FLT1: variants seen among roughly 807,000 people sequenced by gnomAD.
FLT1 encodes fms related receptor tyrosine kinase 1.
A neutral mutation model predicts 156.3 loss-of-function variants in FLT1; 49 were observed. The observed-to-expected ratio is 0.31, with a 90% CI of 0.25 to 0.40. FLT1 has a LOEUF of 0.40. FLT1 is among the 10% of genes least tolerant of loss of function. The probability of loss-of-function intolerance (pLI) is 1.00; values close to 1 mark genes in which losing one functional copy is unlikely to be tolerated. For synonymous variants in FLT1, 594 were observed against 583.8 expected (o/e 1.02, Z -0.25); for missense variants, 1,322 against 1,637.2 (o/e 0.81, Z 3.32).
chr13:28,469,520 C>G (rs948695432), intron 1 of FLT1, among the ~76,000 whole-genome samples: 12 of 152,164 alleles, frequency 7.9e-5, no homozygotes, highest in African/African-American at 2.7e-4. Flanking sequence ...AACTGGAAAG[C>G]CTACGAGCCA....
At chr13:28,350,349 AT>A (rs1872700679) in intron 15 of FLT1, among the ~76,000 whole-genome samples, 1 of 152,152 alleles carries the variant, frequency 6.6e-6, no homozygotes, top group South Asian at 2.1e-4. Context: ...TGCACAGAGC[AT>A]TCCACGTCAA....
At chr13:28,315,134 A>G (rs1048751504) in intron 25 of FLT1, among the ~76,000 whole-genome samples, 3 of 152,196 alleles carry the variant, frequency 2.0e-5, no homozygotes, top group African/African-American at 7.2e-5. Flanking sequence ...CATCTGTGAA[A>G]TGGGGATCAT....
rs17551386 is a variant in FLT1, at chr13:28,428,740, T to C, written c.1107-819A>G. ...TCATTAAAATGCATGGTTCTTTAAATAGGCAGTTTTAATCCATTAGGAGTT... is the reference window on the plus strand; with the variant it reads ...TCATTAAAATGCATGGTTCTTTAAACAGGCAGTTTTAATCCATTAGGAGTT... On this transcript the variant is annotated intron_variant, in intron 8 of 29. Coordinates refer to ENST00000282397, the MANE Select transcript of FLT1 (RefSeq NM_002019.4). Among the ~76,000 whole-genome samples the C allele has an allele frequency of 3.2e-3, 492 of 152,324 alleles. 4 individuals carry two copies. Among genetic ancestry groups the C allele is most frequent in the South Asian group, 0.022 (108 of 4,832 alleles).
chr13:28,305,625 G>A (rs1489732346), intron 29 of FLT1, among the ~76,000 whole-genome samples: 5 of 152,188 alleles, frequency 3.3e-5, no homozygotes, highest in Non-Finnish European at 5.9e-5. Context: ...ACAGAGCCAT[G>A]CCTACTTGAT....
intron 15 of FLT1, among the ~76,000 whole-genome samples, chr13:28,356,048 T>C (rs1872887146): frequency 6.6e-6 from 1 of 152,096 alleles, no homozygotes. Context: ...CTGCCCCATA[T>C]TCCCTGGTGG....
chr13:28,368,703 CTTTTT>C (rs34319914), intron 14 of FLT1: 270 of 565,046 alleles, frequency 4.8e-4, no homozygotes, highest in East Asian at 9.5e-4. Context: ...AGATTGGCAG[CTTTTT>C]TTTTTTTTTT....
At chr13:28,420,208 A>G (rs1170258266) in intron 10 of FLT1, among the ~76,000 whole-genome samples, 2 of 152,240 alleles carry the variant, frequency 1.3e-5, no homozygotes, top group African/African-American at 4.8e-5. Context: ...AACAGAATGC[A>G]AGAAGTTTCT....
chr13:28,454,708 T>C (rs1380733387), intron 3 of FLT1, among the ~76,000 whole-genome samples: 1 of 152,078 alleles, frequency 6.6e-6, no homozygotes, highest in Non-Finnish European at 1.5e-5. Flanking sequence ...AAAAATAAAA[T>C]TGCCTTTGTT....
At position 28,306,667 on chromosome 13, in the gene FLT1, C is replaced by T; in HGVS notation, c.3815+11G>A. ...CATCAACTGATCACAGAAAAGATAC[C>T]CAATTCTTACTCAATCTTGAGCGAG... On this transcript the variant is annotated intron_variant, in intron 29 of 29. Coordinates refer to ENST00000282397, the MANE Select transcript of FLT1 (RefSeq NM_002019.4). 1.3e-6 allele frequency: 2 copies of T among 1,594,488 alleles called. No homozygotes were observed. Among genetic ancestry groups the T allele is most frequent in the Non-Finnish European group, 1.7e-6 (2 of 1,162,260 alleles).
intron 14 of FLT1, among the ~76,000 whole-genome samples, chr13:28,372,898 TAAAATA>T (rs772205865): frequency 2.6e-4 from 39 of 151,390 alleles, no homozygotes; most frequent in Non-Finnish European, 2.7e-4. Flanking sequence ...AATAAATAAA[TAAAATA>T]AAAATGAAAC....
At chr13:28,473,671 AAGAGAGAGAG>A in intron 1 of FLT1, among the ~76,000 whole-genome samples, 1 of 118,278 alleles carries the variant, frequency 8.5e-6, no homozygotes, top group East Asian at 2.3e-4. Context: ...GAAAGAAAGA[AAGAGAGAGAG>A]AGAGAGAGAG....
At chr13:28,323,651 CAAA>C (rs111841154) in intron 20 of FLT1, among the ~76,000 whole-genome samples, 4 of 125,408 alleles carry the variant, frequency 3.2e-5, no homozygotes, top group Non-Finnish European at 3.2e-5. Context: ...AACTCCATCT[CAAA>C]AAAAAAAAAA....
At chr13:28,347,684 C>G (rs140186191) in intron 15 of FLT1, among the ~76,000 whole-genome samples, 401 of 152,330 alleles carry the variant, frequency 2.6e-3, no homozygotes, top group African/African-American at 6.9e-3. Flanking sequence ...CAAATCATAG[C>G]AAATGCACAA....
intron 14 of FLT1, among the ~76,000 whole-genome samples, chr13:28,361,929 A>C (rs376525031): frequency 5.9e-5 from 9 of 152,216 alleles, no homozygotes; most frequent in African/African-American, 1.9e-4. Flanking sequence ...TGAAAGCGAC[A>C]TTTAAGGACG....
Position 28,427,056 on chromosome 13 carries a change from C to T in FLT1, c.1436+103G>A. 4.6e-6 allele frequency: 5 copies of T among 1,089,748 alleles called. No homozygotes were observed. The South Asian group carries it at 6.3e-5, about 14-fold the overall frequency. The allele number at this position is 1,089,748 out of a possible 1,614,324, so 67.5% of individuals were successfully genotyped here. A position where few individuals can be genotyped will look rare whatever the true frequency, so the allele number is the denominator to read the frequency against. On this transcript the variant is annotated intron_variant, in intron 10 of 29. Transcript: ENST00000282397. ...AGGGAGAGCCTTTGCCTCAAATATA[C>T]AGTACATCCCACATGCAGATTCCCA...
In FLT1 at chr13:28,424,051, A is replaced by G. The variant is rs1274600575; in HGVS notation, c.1436+3108T>C. Among the ~76,000 whole-genome samples, 4 of 151,978 alleles carry G rather than the reference A, an allele frequency of 2.6e-5. No homozygotes were observed. The East Asian group carries it at 7.7e-4, about 29-fold the overall frequency. ...TTGCAACCTCCACCTCCCAGGTTCA[A>G]GCAATTGTCCCTGAGCAGCTGGAAT... is the stretch of plus-strand genomic sequence containing the variant. On this transcript the variant is annotated intron_variant, in intron 10 of 29. Coordinates refer to ENST00000282397, the MANE Select transcript of FLT1 (RefSeq NM_002019.4).
intron 15 of FLT1, among the ~76,000 whole-genome samples, chr13:28,347,553 G>A (rs1872608964): frequency 6.6e-6 from 1 of 151,994 alleles, no homozygotes; most frequent in Non-Finnish European, 1.5e-5. Flanking sequence ...CCCAGACCTG[G>A]GAAAAGATAG....
chr13:28,322,382 C>A lies in FLT1; in HGVS notation c.2954-23G>T. On this transcript the variant is annotated intron_variant, in intron 21 of 29. Coordinates refer to ENST00000282397, the MANE Select transcript of FLT1 (RefSeq NM_002019.4). The surrounding 1 kb of genome is among the most constrained non-coding windows in gnomAD (Gnocchi z 4.3). ...AATCTGGAAAGCATTAGAACCGTAA[C>A]TGTTTGTAATGGCTCTTGTTATCCC... The A allele has an allele frequency of 6.8e-7, 1 of 1,471,920 alleles. No individual in the cohort carries two copies. The highest frequency in any genetic ancestry group is 2.3e-5 in the East Asian group (1 of 44,246). 91.2% of individuals were successfully genotyped at this position (1,471,920 alleles called of 1,614,324 possible).
intron 19 of FLT1, among the ~76,000 whole-genome samples, chr13:28,328,987 G>T (rs1450510375): frequency 6.6e-6 from 1 of 152,158 alleles, no homozygotes; most frequent in Non-Finnish European, 1.5e-5. Flanking sequence ...GTCTTCCCCA[G>T]CTACCCTTCA....
Sources: allele counts gnomAD v4.1 joint callset (sites outside exome capture counted in the v4.1 genomes callset), GRCh38; gene constraint gnomAD v4.1.1; non-coding constraint Gnocchi (gnomAD v3.1); transcripts MANE v1.5; gene names NCBI Gene and HGNC (gene_info 2026-07-23, HGNC 2026-07-21).